WDR20: variants seen among roughly 807,000 people sequenced by gnomAD.
WDR20 encodes the protein WD repeat domain 20.
Under a neutral mutation model 38.7 loss-of-function variants are expected in WDR20, and 3 were observed. The observed-to-expected ratio is 0.08, with a 90% CI of 0.04 to 0.20. The LOEUF is 0.20. WDR20 is among the 10% of genes least tolerant of loss of function. The probability of loss-of-function intolerance (pLI) is 1.00; values close to 1 mark genes in which losing one functional copy is unlikely to be tolerated. For missense variants in WDR20, 559 were observed against 727.7 expected, an observed-to-expected ratio of 0.77 and a Z score of 2.67; for synonymous variants, 298 against 285.6, an observed-to-expected ratio of 1.04 and a Z score of -0.44.
chr14:102,160,353 C>G (rs2152766470), intron 1 of WDR20, among the ~76,000 whole-genome samples: 1 of 152,186 alleles, frequency 6.6e-6, no homozygotes, highest in South Asian at 2.1e-4. Flanking sequence ...TCCTCCTTCC[C>G]CCTCCTAGCT....
At chr14:102,162,286 T>G (rs1040149749) in intron 1 of WDR20, among the ~76,000 whole-genome samples, 1 of 152,182 alleles carries the variant, frequency 6.6e-6, no homozygotes, top group Admixed American at 6.5e-5. Flanking sequence ...TTGTACTGTT[T>G]CGTGGTTTAA....
chr14:102,139,498 TCAGGG>T, upstream of WDR20: 1 of 1,342,232 alleles, frequency 7.5e-7, no homozygotes, highest in Non-Finnish European at 9.9e-7. Flanking sequence ...CCGGCGCCCC[TCAGGG>T]CAGGGCGGGA....
intron 2 of WDR20, among the ~76,000 whole-genome samples, chr14:102,203,547 T>C (rs1422497953): frequency 1.3e-5 from 2 of 152,044 alleles, no homozygotes; most frequent in Non-Finnish European, 2.9e-5. Context: ...CCAGACCAAA[T>C]TCCCCTCCCA....
At position 102,157,105 on chromosome 14, in the gene WDR20, A is replaced by T. The variant is rs1034839693; in HGVS notation, c.249+16933A>T. 1.1e-4 allele frequency among the ~76,000 whole-genome samples: 17 copies of T among 152,066 alleles called. 1 individual carries two copies. Among genetic ancestry groups the T allele is most frequent in the Middle Eastern group, 6.8e-3 (2 of 294 alleles). ...TGTGAGACCCCCATCTCTGCAAAAAATTTTTAAAAATTATCGGGCATTGTG... is the reference window on the plus strand; with the variant it reads ...TGTGAGACCCCCATCTCTGCAAAAATTTTTTAAAAATTATCGGGCATTGTG... On this transcript the variant is annotated intron_variant, in intron 1 of 2. Transcript: ENST00000342702.
chr14:102,166,581 T>A (rs2059831059), intron 1 of WDR20, among the ~76,000 whole-genome samples: 1 of 152,230 alleles, frequency 6.6e-6, no homozygotes, highest in South Asian at 2.1e-4. Context: ...CTTGACAGTT[T>A]CTCTTTGCCA....
intron 1 of WDR20, among the ~76,000 whole-genome samples, chr14:102,178,265 G>T (rs1430044538): frequency 2.0e-5 from 3 of 152,026 alleles, no homozygotes; most frequent in Admixed American, 6.6e-5. Context: ...GGTGGCATGA[G>T]CCTGTAGTCC....
intron 1 of WDR20, among the ~76,000 whole-genome samples, chr14:102,158,010 C>T (rs950869155): frequency 5.3e-5 from 8 of 151,896 alleles, no homozygotes; most frequent in South Asian, 2.1e-4. Flanking sequence ...CTATCGCTTC[C>T]CTTCCTTTCT....
intron 1 of WDR20, among the ~76,000 whole-genome samples, chr14:102,159,649 A>C (rs541541363): frequency 6.8e-6 from 1 of 146,192 alleles, no homozygotes; most frequent in East Asian, 2.0e-4. Flanking sequence ...GCCTGGGCAA[A>C]ACAGACCTCA....
downstream of WDR20, among the ~76,000 whole-genome samples, chr14:102,211,692 C>T (rs1722111472): frequency 6.6e-6 from 1 of 152,168 alleles, no homozygotes; most frequent in Non-Finnish European, 1.5e-5. The surrounding 1 kb of genome is among the most constrained non-coding windows in gnomAD (Gnocchi z 4.2). Flanking sequence ...GGACAGTTTC[C>T]GCTTTGGAGG....
chr14:102,169,780 G>C (rs902111739), intron 1 of WDR20, among the ~76,000 whole-genome samples: 2 of 152,060 alleles, frequency 1.3e-5, no homozygotes, highest in African/African-American at 4.8e-5. Flanking sequence ...CACCCGACTC[G>C]GCCTCCCAAA....
At chr14:102,187,041 A>G (rs1172248156) in intron 1 of WDR20, among the ~76,000 whole-genome samples, 12 of 151,864 alleles carry the variant, frequency 7.9e-5, no homozygotes, top group Non-Finnish European at 1.6e-4. Context: ...ATAGGCCCCT[A>G]GTCGTTCCAC....
rs908313162 is a variant in WDR20, at chr14:102,222,201, C to G, written c.1693-629C>G. On this transcript the variant is annotated intron_variant, in intron 3 of 3. Transcript: ENST00000335263. This position sits in a 1 kb window ranked among gnomAD's most constrained non-coding sequence, Gnocchi z 4.4. Reference sequence around the variant, plus strand: ...TTGGCCCCCACATCCCTTCTCCACACCCAGCTGCAGCCTCACGGCAAGACT... The same window carrying G: ...TTGGCCCCCACATCCCTTCTCCACAGCCAGCTGCAGCCTCACGGCAAGACT... Among the ~76,000 whole-genome samples, 2 of 152,130 alleles carry G rather than the reference C, an allele frequency of 1.3e-5. No homozygotes were observed. Among genetic ancestry groups the G allele is most frequent in the African/African-American group, 4.8e-5 (2 of 41,428 alleles).
intron 1 of WDR20, among the ~76,000 whole-genome samples, chr14:102,156,488 A>C (rs1194938063): frequency 6.6e-6 from 1 of 152,006 alleles, no homozygotes; most frequent in African/African-American, 2.4e-5. Flanking sequence ...TTGTTATTCA[A>C]TATGTAATTA....
In WDR20 at chr14:102,182,516, GATATATC is replaced by G. The variant is rs538297750; in HGVS notation, c.250-12419_250-12413del. ...TTGGAATATATTATCATCTGTTGATGATATATCATTCCCATTCATGCATTTGCTCAGT... is the reference window on the plus strand; with the variant it reads ...TTGGAATATATTATCATCTGTTGATGATTCCCATTCATGCATTTGCTCAGT... On this transcript the variant is annotated intron_variant, in intron 1 of 2. Transcript: ENST00000342702. Among the ~76,000 whole-genome samples the G allele has an allele frequency of 5.9e-3, 895 of 152,216 alleles. 5 individuals carry two copies. The highest frequency in any genetic ancestry group is 0.01 in the Non-Finnish European group (699 of 68,014).
At chr14:102,224,053 T>C (rs1159074307), downstream of WDR20, among the ~76,000 whole-genome samples, 1 of 150,214 alleles carries the variant, frequency 6.7e-6, no homozygotes, top group Non-Finnish European at 1.5e-5. Flanking sequence ...TTTTTTTTTT[T>C]TTTTTTGAGA....
intron 1 of WDR20, among the ~76,000 whole-genome samples, chr14:102,159,700 G>A (rs2058223324): frequency 6.6e-6 from 1 of 152,028 alleles, no homozygotes; most frequent in Non-Finnish European, 1.5e-5. Context: ...GAGGAGTGGT[G>A]ACCTGTGCCT....
Position 102,208,932 on chromosome 14 carries a change from G to A in WDR20, c.762G>A (p.Leu254=). Reference sequence around the variant, plus strand: ...TGTTCAACTTTGACTCAGTGGAGCTGCACGGTACGATGAAAAGCTACTTTG... The same window carrying A: ...TGTTCAACTTTGACTCAGTGGAGCTACACGGTACGATGAAAAGCTACTTTG... ...LRVFNFDSVE[L]HGTMKSYFGG... The change falls in exon 3 of 3, where the codon CTG becomes CTA. Residue 254 remains leucine, a synonymous_variant. Transcript: ENST00000342702. This position sits in a 1 kb window ranked among gnomAD's most constrained non-coding sequence, Gnocchi z 5.6. 6.2e-7 allele frequency: 1 copy of A among 1,614,242 alleles called. No individual in the cohort carries two copies. Among genetic ancestry groups the A allele is most frequent in the Non-Finnish European group, 8.5e-7 (1 of 1,180,052 alleles).
Position 102,164,097 on chromosome 14 carries a change from G to A in WDR20, c.249+23925G>A, listed in dbSNP as rs188866740. ...AGAGAGTATCTCACAAGTTGAGCTG[G>A]AAAGGGCTTCACAGAACCCTGACTG... On this transcript the variant is annotated intron_variant, in intron 1 of 2. Coordinates refer to ENST00000342702, the MANE Select transcript of WDR20 (RefSeq NM_144574.4). Among the ~76,000 whole-genome samples the A allele has an allele frequency of 2.0e-5, 3 of 152,100 alleles. No individual in the cohort carries two copies. The East Asian group carries it at 5.8e-4, about 29-fold the overall frequency.
chr14:102,174,013 C>T (rs913947188), intron 1 of WDR20, among the ~76,000 whole-genome samples: 1 of 148,612 alleles, frequency 6.7e-6, no homozygotes, highest in African/African-American at 2.5e-5. Context: ...CATTGCACTC[C>T]AGCCTGGGCA....
Sources: allele counts gnomAD v4.1 joint callset (sites outside exome capture counted in the v4.1 genomes callset), GRCh38; gene constraint gnomAD v4.1.1; non-coding constraint Gnocchi (gnomAD v3.1); transcripts MANE v1.5; gene names NCBI Gene and HGNC (gene_info 2026-07-23, HGNC 2026-07-21).